HEMK2: variants seen among roughly 807,000 people sequenced by gnomAD.
The protein encoded by HEMK2 is methyltransferase HEMK2.
chr21:28,700,726 T>C, the HEMK2 span, among the ~76,000 whole-genome samples: 7 of 152,130 alleles, frequency 4.6e-5, no homozygotes, highest in Non-Finnish European at 8.8e-5. Flanking sequence ...CATAAAGAGC[T>C]GGTACCATTC....
the HEMK2 span, among the ~76,000 whole-genome samples, chr21:28,689,172 C>T: frequency 6.6e-6 from 1 of 152,058 alleles, no homozygotes. Flanking sequence ...AAGCTATTGC[C>T]AAAGTGATTG....
chr21:28,658,401 G>A, the HEMK2 span, among the ~76,000 whole-genome samples: 1 of 152,042 alleles, frequency 6.6e-6, no homozygotes, highest in African/African-American at 2.4e-5. Flanking sequence ...ATTCAGTGGG[G>A]CTCCTGATGA....
At chr21:28,602,347 A>C in the HEMK2 span, among the ~76,000 whole-genome samples, 1 of 152,288 alleles carries the variant, frequency 6.6e-6, no homozygotes, top group African/African-American at 2.4e-5. Context: ...AGTAAAACTG[A>C]CATACTTATT....
the HEMK2 span, among the ~76,000 whole-genome samples, chr21:28,605,759 A>G: frequency 6.6e-6 from 1 of 152,214 alleles, no homozygotes; most frequent in Non-Finnish European, 1.5e-5. Flanking sequence ...GTGTATATCA[A>G]GTATAGAAAG....
the HEMK2 span, among the ~76,000 whole-genome samples, chr21:28,703,501 A>G: frequency 6.6e-6 from 1 of 152,132 alleles, no homozygotes; most frequent in Non-Finnish European, 1.5e-5. Context: ...TCCTTTTTCT[A>G]ACATAGTCTT....
chr21:28,815,465 A>C, the HEMK2 span, among the ~76,000 whole-genome samples: 1 of 152,118 alleles, frequency 6.6e-6, no homozygotes, highest in Non-Finnish European at 1.5e-5. Flanking sequence ...ACATCCTACT[A>C]AACAGCTGCC....
At chr21:28,771,953 T>C in the HEMK2 span, among the ~76,000 whole-genome samples, 1 of 148,442 alleles carries the variant, frequency 6.7e-6, no homozygotes, top group Non-Finnish European at 1.5e-5. Flanking sequence ...ACCATTTCTA[T>C]GAGAAATCTT....
the HEMK2 span, among the ~76,000 whole-genome samples, chr21:28,804,136 G>A: frequency 6.6e-6 from 1 of 152,134 alleles, no homozygotes; most frequent in Admixed American, 6.6e-5. Context: ...TTAACATATG[G>A]TATTTATTAG....
chr21:28,740,838 G>C, the HEMK2 span, among the ~76,000 whole-genome samples: 2 of 152,158 alleles, frequency 1.3e-5, no homozygotes, highest in Non-Finnish European at 2.9e-5. Context: ...GAGTGGCCTT[G>C]AGTGAACCAT....
the HEMK2 span, among the ~76,000 whole-genome samples, chr21:28,656,489 C>T: frequency 1.3e-5 from 2 of 151,858 alleles, no homozygotes; most frequent in East Asian, 3.9e-4. Flanking sequence ...AAATACAGTC[C>T]TCAGCCTTAG....
chr21:28,794,706 G>A, the HEMK2 span, among the ~76,000 whole-genome samples: 1,856 of 152,250 alleles, frequency 0.012, 42 homozygotes, highest in African/African-American at 0.042. Context: ...GTTTTAAATC[G>A]TTCACTGACT....
the HEMK2 span, chr21:28,876,465 T>C: frequency 3.7e-6 from 6 of 1,604,684 alleles, no homozygotes; most frequent in South Asian, 1.1e-5. Context: ...TGCAGACCTT[T>C]TGTCTTCATT....
At chr21:28,822,204 T>C in the HEMK2 span, among the ~76,000 whole-genome samples, 1 of 152,196 alleles carries the variant, frequency 6.6e-6, no homozygotes, top group Non-Finnish European at 1.5e-5. Context: ...TTAGAAGCAC[T>C]CAGGGAGGTA....
the HEMK2 span, among the ~76,000 whole-genome samples, chr21:28,599,793 C>G: frequency 6.6e-6 from 1 of 152,194 alleles, no homozygotes; most frequent in Non-Finnish European, 1.5e-5. Flanking sequence ...AATGGGGGTA[C>G]AGGCATTGGA....
the HEMK2 span, among the ~76,000 whole-genome samples, chr21:28,711,102 A>G: frequency 6.6e-6 from 1 of 152,170 alleles, no homozygotes; most frequent in Non-Finnish European, 1.5e-5. Flanking sequence ...ATTAAAATAT[A>G]TTAGCTAGAA....
the HEMK2 span, among the ~76,000 whole-genome samples, chr21:28,828,599 T>C: frequency 1.3e-5 from 2 of 152,178 alleles, no homozygotes; most frequent in Admixed American, 1.3e-4. Context: ...CAAAGGCACT[T>C]TGGTGACACT....
chr21:28,833,845 C>T, the HEMK2 span, among the ~76,000 whole-genome samples: 2 of 152,130 alleles, frequency 1.3e-5, no homozygotes, highest in African/African-American at 2.4e-5. Flanking sequence ...GGTATAGCAA[C>T]GATATCTACC....
At chr21:28,841,383 A>T in the HEMK2 span, among the ~76,000 whole-genome samples, 15 of 35,862 alleles carry the variant, frequency 4.2e-4, no homozygotes, top group South Asian at 7.8e-4. Context: ...ATTATATATA[A>T]TATATAAAAT....
chr21:28,620,733 G>A, the HEMK2 span, among the ~76,000 whole-genome samples: 1 of 138,330 alleles, frequency 7.2e-6, no homozygotes, highest in Admixed American at 7.7e-5. Flanking sequence ...GAGTGCAGTG[G>A]TGTAATCGGG....
Sources: allele counts gnomAD v4.1 joint callset (sites outside exome capture counted in the v4.1 genomes callset), GRCh38; gene constraint gnomAD v4.1.1; transcripts MANE v1.5; gene names NCBI Gene and HGNC (gene_info 2026-07-23, HGNC 2026-07-21).